The following C2CD2L variants were observed in gnomAD, a reference collection of about 807,000 sequenced individuals.
C2CD2L encodes phospholipid transfer protein C2CD2L.
In C2CD2L, 24 loss-of-function variants were observed where a neutral mutation model predicts 69.9. The ratio of observed to expected loss-of-function variants is 0.34; its 90% CI spans 0.25 to 0.48. The LOEUF (loss-of-function observed/expected upper bound fraction) is 0.48. Ranked by LOEUF, C2CD2L falls within the 20% of genes least tolerant of loss-of-function variation. C2CD2L has a pLI of 0.99. For missense variants in C2CD2L, 811 were observed against 941.5 expected (o/e 0.86, Z 1.81); for synonymous variants, 367 against 391.0 (o/e 0.94, Z 0.72).
chr11:119,109,983 G>C lies in C2CD2L; in HGVS notation c.355-121G>C. On this transcript the variant is annotated intron_variant, in intron 1 of 13. Coordinates refer to ENST00000648610, the MANE Select transcript of C2CD2L (RefSeq NM_001290474.2). The surrounding 1 kb of genome is among the most constrained non-coding windows in gnomAD (Gnocchi z 5.1). The stretch of plus-strand genomic sequence containing the variant: ...TCTTAAAGCCCTGAGCCAAGGAGGG[G>C]CCAGAAGCCAGCCTGCAGCTGAGGC... 1.4e-6 allele frequency: 1 copy of C among 735,516 alleles called. No individual in the cohort carries two copies. The highest frequency in any genetic ancestry group is 1.6e-5 in the South Asian group (1 of 64,104). 45.6% of individuals were successfully genotyped at this position (735,516 alleles called of 1,614,324 possible). A position where few individuals can be genotyped will look rare whatever the true frequency, so the allele number is the denominator to read the frequency against.
chr11:119,103,646 G>A (rs137946658), upstream of C2CD2L, among the ~76,000 whole-genome samples: 39 of 151,890 alleles, frequency 2.6e-4, no homozygotes, highest in Middle Eastern at 6.8e-3. Context: ...GCAGTGAGCC[G>A]CGATCATGCC....
chr11:119,111,041 TCTC>T lies in C2CD2L; in HGVS notation c.682-10_682-8del. 3.1e-6 allele frequency: 5 copies of T among 1,612,772 alleles called. No homozygotes were observed. The highest frequency in any genetic ancestry group is 4.2e-6 in the Non-Finnish European group (5 of 1,178,892). On this transcript the variant is annotated splice_region_variant and splice_polypyrimidine_tract_variant and intron_variant, in intron 4 of 13. Coordinates refer to ENST00000648610, the MANE Select transcript of C2CD2L (RefSeq NM_001290474.2). ...ATCCACCTCCTTGTTGTTCCCTTCTTCTCTCTGCAGAGAGGTGAAGAACAAGTG... is the reference window on the plus strand; with the variant it reads ...ATCCACCTCCTTGTTGTTCCCTTCTTTCTGCAGAGAGGTGAAGAACAAGTG...
chr11:119,113,854 G>C lies in C2CD2L; in HGVS notation c.1490-1G>C. On this transcript the variant is annotated splice_acceptor_variant, in intron 11 of 13. Transcript: ENST00000648610. LOFTEE classifies it high-confidence loss of function. ...TTATTCATTCTCTGCACCCCTAGCAGGGGACAGCCACCTTTCCAACGGCTT... is the reference window on the plus strand; with the variant it reads ...TTATTCATTCTCTGCACCCCTAGCACGGGACAGCCACCTTTCCAACGGCTT... The C allele has an allele frequency of 6.2e-7, 1 of 1,614,042 alleles. No homozygotes were observed. Among genetic ancestry groups the C allele is most frequent in the Non-Finnish European group, 8.5e-7 (1 of 1,179,888 alleles).
intron 6 of C2CD2L, 38 bp downstream of exon 6, chr11:119,111,412 T>C (rs1232996029): frequency 6.2e-7 from 1 of 1,604,910 alleles, no homozygotes. Flanking sequence ...GCCAAGGCTA[T>C]GGTTGGTTGC....
intron 1 of C2CD2L, 34 bp downstream of exon 1, chr11:119,108,129 A>G (rs1392345569): frequency 6.9e-7 from 1 of 1,457,834 alleles, no homozygotes; most frequent in Admixed American, 2.0e-5. Flanking sequence ...TGGTCCCTTC[A>G]GCCTTTCCTT....
chr11:119,102,757 C>T (rs116514494), upstream of C2CD2L, among the ~76,000 whole-genome samples: 1 of 151,944 alleles, frequency 6.6e-6, no homozygotes, highest in South Asian at 2.1e-4. Flanking sequence ...GAGGAACTCC[C>T]AGTCAGGTTT....
chr11:119,103,824 A>G (rs1946548180), upstream of C2CD2L, among the ~76,000 whole-genome samples: 1 of 152,252 alleles, frequency 6.6e-6, no homozygotes, highest in Non-Finnish European at 1.5e-5. Flanking sequence ...ACTTGCTAGT[A>G]TTCCACCAGA....
chr11:119,118,272 G>A lies in C2CD2L; in HGVS notation c.*2016G>A, dbSNP rs1483608122. On this transcript the variant is annotated 3_prime_UTR_variant, in exon 14 of 14. Transcript: ENST00000648610. The stretch of plus-strand genomic sequence containing the variant: ...CACCTTCTCACCTTTCATAGTCTCC[G>A]ATGTCTTTTATTCCACTCTATATGT... The A allele has an allele frequency of 2.0e-5, 3 of 151,972 alleles. No individual in the cohort carries two copies. Among genetic ancestry groups the A allele is most frequent in the Non-Finnish European group, 4.4e-5 (3 of 67,990 alleles). The allele number at this position is 151,972 out of a possible 1,614,324, so 9.4% of individuals were successfully genotyped here.
upstream of C2CD2L, chr11:119,106,670 G>C (rs942399219): frequency 6.6e-6 from 1 of 152,186 alleles, no homozygotes; most frequent in African/African-American, 2.4e-5. Flanking sequence ...CCCTCTACAC[G>C]TGCTCCATAG....
chr11:119,116,315 A>C lies in C2CD2L; in HGVS notation c.*59A>C. 1.5e-6 allele frequency: 2 copies of C among 1,348,864 alleles called. No homozygotes were observed. Among genetic ancestry groups the C allele is most frequent in the Non-Finnish European group, 2.1e-6 (2 of 948,504 alleles). The allele number at this position is 1,348,864 out of a possible 1,614,324, so 83.6% of individuals were successfully genotyped here. On this transcript the variant is annotated 3_prime_UTR_variant, in exon 14 of 14. Transcript: ENST00000648610. Reference sequence around the variant, plus strand: ...GCCCATTCCCCACCTCCCCTTCCATACCCCTTCCTGGATCTCCAGTGCCTG... The same window carrying C: ...GCCCATTCCCCACCTCCCCTTCCATCCCCCTTCCTGGATCTCCAGTGCCTG...
chr11:119,105,217 A>G (rs10790283), upstream of C2CD2L, among the ~76,000 whole-genome samples: 141,331 of 152,230 alleles, frequency 0.93, 65,827 homozygotes, highest in Non-Finnish European at 0.95. Flanking sequence ...TTTGAGGGAA[A>G]AGAGATGACT....
upstream of C2CD2L, among the ~76,000 whole-genome samples, chr11:119,106,215 A>G (rs1416832552): frequency 6.6e-6 from 1 of 152,202 alleles, no homozygotes; most frequent in Non-Finnish European, 1.5e-5. Flanking sequence ...TAGCCCTGCC[A>G]TCCCACACTT....
In C2CD2L at chr11:119,116,739, C is replaced by T. The variant is rs527963980; in HGVS notation, c.*483C>T. The T allele has an allele frequency of 8.4e-5, 14 of 166,504 alleles. No individual in the cohort carries two copies. The East Asian group carries it at 2.4e-3, about 28-fold the overall frequency. 10.3% of individuals were successfully genotyped at this position (166,504 alleles called of 1,614,324 possible). A position where few individuals can be genotyped will look rare whatever the true frequency, so the allele number is the denominator to read the frequency against. ...CCTTTGGGATGGGGCTCCCACACCT[C>T]CCTCAGGTCCCCACTCAGACCAGCA... On this transcript the variant is annotated 3_prime_UTR_variant, in exon 14 of 14. Transcript: ENST00000648610.
At chr11:119,103,370 T>C (rs1946539721), upstream of C2CD2L, among the ~76,000 whole-genome samples, 1 of 152,216 alleles carries the variant, frequency 6.6e-6, no homozygotes, top group African/African-American at 2.4e-5. Flanking sequence ...GTTGACCGTT[T>C]TTAAGCCGAA....
Position 119,116,344 on chromosome 11 carries a change from C to T in C2CD2L, c.*88C>T. ...CTTCCTGGATCTCCAGTGCCTGGGC[C>T]AGGAAAGCCCTCTGGGTTCCGGGAA... On this transcript the variant is annotated 3_prime_UTR_variant, in exon 14 of 14. Coordinates refer to ENST00000648610, the MANE Select transcript of C2CD2L (RefSeq NM_001290474.2). 2.7e-6 allele frequency: 3 copies of T among 1,122,948 alleles called. No individual in the cohort carries two copies. The highest frequency in any genetic ancestry group is 1.3e-5 in the South Asian group (1 of 74,252). The allele number at this position is 1,122,948 out of a possible 1,614,324, so 69.6% of individuals were successfully genotyped here. A position where few individuals can be genotyped will look rare whatever the true frequency, so the allele number is the denominator to read the frequency against.
rs561088763 is a variant in C2CD2L at position 119,110,517 on chromosome 11, G to A, written c.451-44G>A. 407 of 1,590,584 alleles carry A rather than the reference G, an allele frequency of 2.6e-4. 8 individuals are homozygous for A. The South Asian group carries it at 4.5e-3, about 18-fold the overall frequency. ...CTATTACAGGGCAGTTCAAAGCAGGGTGAGCACCCTTCCCCCACATCTGAC... is the reference window on the plus strand; with the variant it reads ...CTATTACAGGGCAGTTCAAAGCAGGATGAGCACCCTTCCCCCACATCTGAC... On this transcript the variant is annotated intron_variant, in intron 2 of 13. Transcript: ENST00000648610. This position sits in a 1 kb window ranked among gnomAD's most constrained non-coding sequence, Gnocchi z 5.7.
In C2CD2L at chr11:119,111,379, G is replaced by C; in HGVS notation, c.910+5G>C. 2 of 1,613,622 alleles carry C rather than the reference G, an allele frequency of 1.2e-6. No individual in the cohort carries two copies. The highest frequency in any genetic ancestry group is 1.7e-6 in the Non-Finnish European group (2 of 1,179,528). Reference sequence around the variant, plus strand: ...ACTTGGGAAATGAGCTGGAAGGTGAGAGCTGGAAGTGGCTGCGGGACTGCC... The same window carrying C: ...ACTTGGGAAATGAGCTGGAAGGTGACAGCTGGAAGTGGCTGCGGGACTGCC... On this transcript the variant is annotated splice_donor_5th_base_variant and intron_variant, in intron 6 of 13. Transcript: ENST00000648610.
chr11:119,108,024 T>C lies in C2CD2L; in HGVS notation c.283T>C (p.Phe95Leu). The C allele has an allele frequency of 1.3e-6, 2 of 1,599,424 alleles. No individual in the cohort carries two copies. The highest frequency in any genetic ancestry group is 1.7e-6 in the Non-Finnish European group (2 of 1,174,346). The change falls in exon 1 of 14, where the codon TTC (phenylalanine) becomes CTC (leucine). Residue 95 changes from phenylalanine (F) to leucine (L), a missense_variant. Physicochemically the swap from Phe to Leu is conservative, Grantham distance 22. Coordinates refer to ENST00000648610, the MANE Select transcript of C2CD2L (RefSeq NM_001290474.2). ...GGGCCTCCTGGCGTCACTCTTCGCC[T>C]TCAAGTCTTTCCGGGAGAACTGGCA... ...VRGLLASLFA[F>L]KSFRENWQRA... is the part of the protein sequence containing the mutation.
In C2CD2L at chr11:119,111,624, G is replaced by A; in HGVS notation, c.1014G>A (p.Leu338=). 2 of 1,610,354 alleles carry A rather than the reference G, an allele frequency of 1.2e-6. No individual in the cohort carries two copies. The highest frequency in any genetic ancestry group is 1.1e-5 in the South Asian group (1 of 90,922). Residue 338 remains leucine, a synonymous_variant, in exon 7 of 14, where the codon CTG becomes CTA. Coordinates refer to ENST00000648610, the MANE Select transcript of C2CD2L (RefSeq NM_001290474.2). Reference sequence around the variant, plus strand: ...CCGAGGTGGAGTGGACAGAAGACCTGGCACTGTAAGGAGTAACCCTGCCCC... The same window carrying A: ...CCGAGGTGGAGTGGACAGAAGACCTAGCACTGTAAGGAGTAACCCTGCCCC... ...AGSEVEWTED[L]ALDLGPQSRE... is the part of the protein sequence containing the mutation.
Sources: allele counts gnomAD v4.1 joint callset (sites outside exome capture counted in the v4.1 genomes callset), GRCh38; gene constraint gnomAD v4.1.1; non-coding constraint Gnocchi (gnomAD v3.1); transcripts MANE v1.5; gene names NCBI Gene and HGNC (gene_info 2026-07-23, HGNC 2026-07-21).